The following TACC2 variants were observed in gnomAD, a reference collection of about 807,000 sequenced individuals.
The protein encoded by TACC2 is transforming acidic coiled-coil containing protein 2.
A neutral mutation model predicts 227.3 loss-of-function variants in TACC2; 137 were observed. The ratio of observed to expected loss-of-function variants is 0.60; its 90% CI spans 0.52 to 0.69. The LOEUF (loss-of-function observed/expected upper bound fraction) is 0.69, where lower values mean the gene tolerates loss of function less well. TACC2 is among the 30% of genes least tolerant of loss of function. The pLI is 0.00. For missense variants in TACC2, 3,470 were observed against 3,694.4 expected (o/e 0.94, Z 1.57); for synonymous variants, 1,523 against 1,487.5 (o/e 1.02, Z -0.55).
At chr10:122,040,604 A>G (rs2074132300) in intron 2 of TACC2, among the ~76,000 whole-genome samples, 1 of 152,204 alleles carries the variant, frequency 6.6e-6, no homozygotes, top group Non-Finnish European at 1.5e-5. Flanking sequence ...TGGGGCTGTC[A>G]TGATTCCCAT....
At chr10:122,164,032 G>A (rs1019893301) in intron 7 of TACC2, 5 of 1,555,536 alleles carry the variant, frequency 3.2e-6, no homozygotes, top group Non-Finnish European at 3.5e-6. Flanking sequence ...CTCCCGGGGA[G>A]GAGGAGAGGA....
intron 7 of TACC2, among the ~76,000 whole-genome samples, chr10:122,176,492 AG>A (rs1430809743): frequency 1.3e-5 from 2 of 152,086 alleles, no homozygotes; most frequent in Non-Finnish European, 2.9e-5. Flanking sequence ...TTGTTCTGTG[AG>A]GGACTAGGGG....
intron 8 of TACC2, among the ~76,000 whole-genome samples, chr10:122,199,853 C>T (rs1442033663): frequency 6.6e-6 from 1 of 152,144 alleles, no homozygotes; most frequent in Non-Finnish European, 1.5e-5. Flanking sequence ...GCACCTCCTC[C>T]CTGTGTCCTG....
At chr10:122,043,570 T>G (rs58819844) in intron 2 of TACC2, among the ~76,000 whole-genome samples, 1 of 149,560 alleles carries the variant, frequency 6.7e-6, no homozygotes, top group Non-Finnish European at 1.5e-5. Flanking sequence ...CTCTCTCTCT[T>G]TCTTTCTTCC....
rs35233150 is a variant in TACC2 at position 122,217,437 on chromosome 10, CTTTTTTTTT to C, written c.7546+622_7546+630del. On this transcript the variant is annotated intron_variant, in intron 11 of 22. Transcript: ENST00000369005. ...TGTTTTTTCTTTTTCTTTCTTTTTT[CTTTTTTTTT>C]TTTTTTTTTTTTGAGATGGGGTTTC... 7.2e-3 allele frequency among the ~76,000 whole-genome samples: 667 copies of C among 93,266 alleles called. 5 individuals are homozygous for C. Among genetic ancestry groups the C allele is most frequent in the Non-Finnish European group, 0.01 (493 of 48,284 alleles). 61.2% of individuals were successfully genotyped at this position (93,266 alleles called of 152,430 possible). A position where few individuals can be genotyped will look rare whatever the true frequency, so the allele number is the denominator to read the frequency against.
chr10:122,095,110 G>A (rs911253840), intron 5 of TACC2, among the ~76,000 whole-genome samples: 2 of 152,204 alleles, frequency 1.3e-5, no homozygotes, highest in Non-Finnish European at 2.9e-5. Flanking sequence ...AGACAGACCT[G>A]GGTTTTGGCC....
intron 5 of TACC2, among the ~76,000 whole-genome samples, chr10:122,112,244 G>A (rs1026103883): frequency 5.9e-5 from 9 of 152,294 alleles, no homozygotes; most frequent in African/African-American, 1.9e-4. Context: ...TAGAGAAAAG[G>A]TGATATGCCA....
chr10:122,207,837 G>T (rs2095172971), intron 8 of TACC2, among the ~76,000 whole-genome samples: 1 of 152,224 alleles, frequency 6.6e-6, no homozygotes, highest in South Asian at 2.1e-4. Context: ...AGAGGCACGT[G>T]TAACGGCCTG....
At chr10:122,239,961 G>C (rs1476984604) in intron 18 of TACC2, among the ~76,000 whole-genome samples, 4 of 152,218 alleles carry the variant, frequency 2.6e-5, no homozygotes, top group African/African-American at 9.6e-5. Context: ...ACAGAGTAGA[G>C]CAGAAGGATT....
intron 6 of TACC2, among the ~76,000 whole-genome samples, chr10:122,134,695 CA>C (rs983720211): frequency 2.0e-5 from 3 of 152,186 alleles, no homozygotes; most frequent in African/African-American, 7.2e-5. Flanking sequence ...TGGCTGTAGC[CA>C]ATGGGGCACG....
chr10:122,032,733 G>A (rs1395491732), intron 2 of TACC2, among the ~76,000 whole-genome samples: 2 of 152,138 alleles, frequency 1.3e-5, no homozygotes. Context: ...ACCGAGGTGG[G>A]TGATCACCTG....
chr10:122,219,431 G>C (rs779657481), intron 11 of TACC2, among the ~76,000 whole-genome samples: 1 of 152,196 alleles, frequency 6.6e-6, no homozygotes, highest in Non-Finnish European at 1.5e-5. Context: ...CAAGAACTTT[G>C]TCAGGTTCAT....
At chr10:122,056,560 C>A (rs115768740) in intron 3 of TACC2, among the ~76,000 whole-genome samples, 3,692 of 152,268 alleles carry the variant, frequency 0.024, 69 homozygotes, top group African/African-American at 0.053. Context: ...TTCTGCCACG[C>A]GGCTGTGTGA....
intron 1 of TACC2, among the ~76,000 whole-genome samples, chr10:122,011,069 C>G (rs570250875): frequency 6.6e-6 from 1 of 152,324 alleles, no homozygotes; most frequent in Admixed American, 6.5e-5. Flanking sequence ...GGGTAAAGGC[C>G]TGTGGCCCAA....
At chr10:121,989,859 G>C (rs1952959660) in intron 1 of TACC2, among the ~76,000 whole-genome samples, 1 of 151,846 alleles carries the variant, frequency 6.6e-6, no homozygotes, top group Admixed American at 6.6e-5. Context: ...CTGGGCTCAA[G>C]TGATTCTCCT....
rs776272139 is a variant in TACC2, at chr10:122,084,090, A to AC, written c.1592dup (p.Pro532ThrfsTer10). The AC allele has an allele frequency of 4.3e-6, 7 of 1,613,876 alleles. No homozygotes were observed. Among genetic ancestry groups the AC allele is most frequent in the Non-Finnish European group, 5.1e-6 (6 of 1,179,978 alleles). ...AAAGCCATGAGGTCCAACCAGGAGC[A>AC]CCACCCCCTCCTCTTCCCAAGGCAC... On this transcript the variant is annotated frameshift_variant, in exon 4 of 23. Transcript: ENST00000369005. LOFTEE classifies it high-confidence loss of function.
At chr10:122,133,169 G>T (rs1437078740) in intron 6 of TACC2, among the ~76,000 whole-genome samples, 1 of 152,118 alleles carries the variant, frequency 6.6e-6, no homozygotes, top group Non-Finnish European at 1.5e-5. Flanking sequence ...TTTTGATGGT[G>T]GTCAGAGAAG....
chr10:122,105,212 C>T (rs1194816677), intron 5 of TACC2, among the ~76,000 whole-genome samples: 1 of 151,498 alleles, frequency 6.6e-6, no homozygotes, highest in Non-Finnish European at 1.5e-5. Flanking sequence ...TTTAGACTCC[C>T]AGCTCCCAGC....
chr10:122,022,047 G>C, intron 2 of TACC2, 33 bp downstream of exon 2: 1 of 1,613,106 alleles, frequency 6.2e-7, no homozygotes, highest in South Asian at 1.1e-5. Flanking sequence ...CTCGAGCTAC[G>C]TGGTGCTCTT....
Sources: allele counts gnomAD v4.1 joint callset (sites outside exome capture counted in the v4.1 genomes callset), GRCh38; gene constraint gnomAD v4.1.1; transcripts MANE v1.5; gene names NCBI Gene and HGNC (gene_info 2026-07-23, HGNC 2026-07-21).